Variants in DGKH observed in about 807,000 individuals in gnomAD.
DGKH encodes the protein diacylglycerol kinase eta.
A neutral mutation model predicts 159.3 loss-of-function variants in DGKH; 90 were observed. The observed-to-expected ratio is 0.57, with a 90% CI of 0.48 to 0.67. The LOEUF is 0.67. Ranked by LOEUF, DGKH falls within the 30% of genes least tolerant of loss-of-function variation. The probability of loss-of-function intolerance (pLI) is 0.00; values close to 1 mark genes in which losing one functional copy is unlikely to be tolerated. For synonymous variants in DGKH, 536 were observed against 553.8 expected, an observed-to-expected ratio of 0.97 and a Z score of 0.45; for missense variants, 1,181 against 1,506.1, an observed-to-expected ratio of 0.78 and a Z score of 3.57.
intron 3 of DGKH, among the ~76,000 whole-genome samples, chr13:42,154,501 C>G (rs1189381781): frequency 6.6e-6 from 1 of 152,072 alleles, no homozygotes; most frequent in Non-Finnish European, 1.5e-5. Context: ...CTTTAAGGTC[C>G]TTAATATAAT....
intron 13 of DGKH, 146 bp downstream of exon 13, chr13:42,178,366 AT>A (rs1956660129): frequency 7.0e-6 from 4 of 573,968 alleles, no homozygotes; most frequent in South Asian, 3.9e-5. Context: ...ATTTGAATTG[AT>A]TTTTAAAAAT....
At chr13:42,248,682 T>A (rs1474169425) in intron 29 of DGKH, among the ~76,000 whole-genome samples, 1 of 149,872 alleles carries the variant, frequency 6.7e-6, no homozygotes, top group Non-Finnish European at 1.5e-5. Context: ...ATTTTTACTG[T>A]AGATATCTTT....
intron 11 of DGKH, among the ~76,000 whole-genome samples, chr13:42,169,245 T>G (rs1296536400): frequency 6.6e-6 from 1 of 152,154 alleles, no homozygotes. Flanking sequence ...TGTTAGAATA[T>G]CTCCTCTTAA....
Position 42,229,326 on chromosome 13 carries a change from G to A in DGKH, c.*138G>A. The stretch of plus-strand genomic sequence containing the variant: ...CACCTCTGTGGCTTGATATTTTGCT[G>A]TGGGTGAAATTTTGATTTGAGGTAT... On this transcript the variant is annotated 3_prime_UTR_variant, in exon 30 of 30. Coordinates refer to ENST00000337343, the MANE Select transcript of DGKH (RefSeq NM_178009.5). 4.2e-6 allele frequency: 3 copies of A among 708,330 alleles called. No individual in the cohort carries two copies. Among genetic ancestry groups the A allele is most frequent in the Non-Finnish European group, 6.8e-6 (3 of 442,074 alleles). The allele number at this position is 708,330 out of a possible 1,614,324, so 43.9% of individuals were successfully genotyped here.
At chr13:42,124,225 A>G (rs570293086) in intron 1 of DGKH, among the ~76,000 whole-genome samples, 7 of 152,274 alleles carry the variant, frequency 4.6e-5, no homozygotes, top group Admixed American at 6.5e-5. Flanking sequence ...ATGTCACATA[A>G]TAAATCTGAA....
chr13:42,188,391 T>A (rs527932439), intron 14 of DGKH, among the ~76,000 whole-genome samples: 1 of 152,338 alleles, frequency 6.6e-6, no homozygotes, highest in South Asian at 2.1e-4. Flanking sequence ...TCCCTCTTCT[T>A]TTCCCTCCTT....
chr13:42,166,420 G>C, intron 8 of DGKH, 95 bp from the exon 9 acceptor site: 2 of 1,190,104 alleles, frequency 1.7e-6, no homozygotes, highest in Non-Finnish European at 2.2e-6. Flanking sequence ...TAATGCTCCA[G>C]TTTTTATGAA....
rs140211413 is a variant in DGKH, at chr13:42,167,082, T to A, written c.1118+408T>A. ...GGACTCTCATGGCTGTCAAGGGCAG[T>A]TCTTCAAGGATCTCAGACTCAGTTC... On this transcript the variant is annotated intron_variant, in intron 9 of 29. Coordinates refer to ENST00000337343, the MANE Select transcript of DGKH (RefSeq NM_178009.5). Among the ~76,000 whole-genome samples, 5 of 152,314 alleles carry A rather than the reference T, an allele frequency of 3.3e-5. No individual in the cohort carries two copies. In the East Asian group the frequency reaches 9.6e-4, roughly 29 times the overall value.
exon 31 of DGKH, chr13:42,256,475 C>T: frequency 7.7e-7 from 1 of 1,303,512 alleles, no homozygotes; most frequent in Non-Finnish European, 1.1e-6. Context: ...ACTTGGCTAT[C>T]TCACACCAGA....
chr13:42,108,266 A>G (rs1954798678), intron 1 of DGKH, among the ~76,000 whole-genome samples: 1 of 152,240 alleles, frequency 6.6e-6, no homozygotes. Flanking sequence ...AAGGAAGACC[A>G]GTTTTCAGAA....
At chr13:42,080,556 T>C (rs2137718229) in intron 1 of DGKH, among the ~76,000 whole-genome samples, 1 of 152,382 alleles carries the variant, frequency 6.6e-6, no homozygotes, top group African/African-American at 2.4e-5. Context: ...GAAAACTAAC[T>C]TCTGAATTCA....
At chr13:42,066,468 T>G (rs993287887) in intron 1 of DGKH, 2 of 152,214 alleles carry the variant, frequency 1.3e-5, no homozygotes, top group Non-Finnish European at 2.9e-5. Flanking sequence ...TAGCATATTT[T>G]CACATAACAA....
chr13:42,083,274 G>A (rs1954242271), intron 1 of DGKH, among the ~76,000 whole-genome samples: 1 of 152,174 alleles, frequency 6.6e-6, no homozygotes, highest in Admixed American at 6.5e-5. Flanking sequence ...GTGCTTCAAG[G>A]AACTTGCAAC....
chr13:42,211,527 G>A lies in DGKH; in HGVS notation c.3014+762G>A, dbSNP rs563463068. On this transcript the variant is annotated intron_variant, in intron 24 of 29. Transcript: ENST00000337343. The stretch of plus-strand genomic sequence containing the variant: ...AGCCTGGCCAACATGGTGAAACCCC[G>A]TCTCTACTAAAAATACAAAAATTTG... Among the ~76,000 whole-genome samples, 7 of 152,042 alleles carry A rather than the reference G, an allele frequency of 4.6e-5. No homozygotes were observed. The South Asian group carries it at 6.2e-4, about 14-fold the overall frequency.
chr13:42,113,487 T>C (rs1954906939), intron 1 of DGKH, among the ~76,000 whole-genome samples: 1 of 152,224 alleles, frequency 6.6e-6, no homozygotes, highest in Non-Finnish European at 1.5e-5. Context: ...TGTATCCTTA[T>C]TTAAATACAG....
At chr13:42,120,444 T>C (rs1203524220) in intron 1 of DGKH, among the ~76,000 whole-genome samples, 3 of 152,308 alleles carry the variant, frequency 2.0e-5, no homozygotes, top group Non-Finnish European at 2.9e-5. Context: ...TGCCTGTATA[T>C]TTTAGGATTT....
chr13:42,119,934 C>CT (rs1432726395), intron 1 of DGKH, among the ~76,000 whole-genome samples: 1 of 152,058 alleles, frequency 6.6e-6, no homozygotes, highest in African/African-American at 2.4e-5. Flanking sequence ...TGAAGAATAA[C>CT]TCTCTTAAAT....
At position 42,127,544 on chromosome 13, in the gene DGKH, C is replaced by G; in HGVS notation, c.274C>G (p.Arg92Gly). The change falls in exon 2 of 30, where the codon CGC (arginine) becomes GGC (glycine). Residue 92 changes from arginine to glycine, a missense_variant. Arg to Gly is a moderately radical substitution (Grantham distance 125). Transcript: ENST00000337343. ...WKKRYFKLRG[R>G]TLYYAKDSKS... ...AAAGCGATACTTCAAACTTCGAGGC[C>G]GCACCCTTTACTATGCAAAGGACTC... The G allele has an allele frequency of 6.2e-7, 1 of 1,613,658 alleles. No individual in the cohort carries two copies. Among genetic ancestry groups the G allele is most frequent in the Non-Finnish European group, 8.5e-7 (1 of 1,179,740 alleles).
rs57139526 is a variant in DGKH at position 42,146,150 on chromosome 13, C to CTTT, written c.385-9125_385-9123dup. On this transcript the variant is annotated intron_variant, in intron 3 of 29. Coordinates refer to ENST00000337343, the MANE Select transcript of DGKH (RefSeq NM_178009.5). ...TGTAAGAGTTCAGATTCTGGGGAGGCTTTTTTTTTTTTTTTTTTGTACAGG... is the reference window on the plus strand; with the variant it reads ...TGTAAGAGTTCAGATTCTGGGGAGGCTTTTTTTTTTTTTTTTTTTTTGTACAGG... 8.4e-3 allele frequency among the ~76,000 whole-genome samples: 922 copies of CTTT among 110,250 alleles called. 50 individuals are homozygous for CTTT. The highest frequency in any genetic ancestry group is 0.021 in the South Asian group (67 of 3,252). The allele number at this position is 110,250 out of a possible 152,430, so 72.3% of individuals were successfully genotyped here.
Sources: allele counts gnomAD v4.1 joint callset (sites outside exome capture counted in the v4.1 genomes callset), GRCh38; gene constraint gnomAD v4.1.1; transcripts MANE v1.5; gene names NCBI Gene and HGNC (gene_info 2026-07-23, HGNC 2026-07-21).